The following ABI1 variants were observed in gnomAD, a reference collection of about 807,000 sequenced individuals.
ABI1 encodes Abelson interactor 1.
ABI1 carries 14 observed loss-of-function variants against 54.6 expected under a neutral mutation model. That is an observed-to-expected ratio of 0.26 (90% CI 0.17 to 0.40). ABI1 has a LOEUF of 0.40. Among genes scored for constraint, ABI1 ranks in the 10% least tolerant of loss-of-function variants. The pLI is 1.00. For missense variants in ABI1, 443 were observed against 598.3 expected, an observed-to-expected ratio of 0.74 and a Z score of 2.71; for synonymous variants, 194 against 209.3, an observed-to-expected ratio of 0.93 and a Z score of 0.63.
chr10:26,759,373 A>G (rs1303334382), intron 7 of ABI1, 135 bp from the exon 8 acceptor site: 11 of 615,984 alleles, frequency 1.8e-5, no homozygotes, highest in Non-Finnish European at 2.8e-5. Context: ...CAAAATAAAG[A>G]GAAAAGTAAA....
intron 5 of ABI1, 87 bp from the exon 6 acceptor site, chr10:26,769,079 C>A: frequency 1.0e-6 from 1 of 976,976 alleles, no homozygotes; most frequent in Non-Finnish European, 1.4e-6. Context: ...CCCTTTGTGA[C>A]CATGTATACC....
chr10:26,760,956 T>A (rs1839067988), intron 7 of ABI1, among the ~76,000 whole-genome samples: 1 of 151,638 alleles, frequency 6.6e-6, no homozygotes, highest in Admixed American at 6.6e-5. Context: ...TTTATTTTTT[T>A]ATTTTGGGTA....
chr10:26,816,782 A>C (rs1168690279), intron 2 of ABI1, among the ~76,000 whole-genome samples: 1 of 151,568 alleles, frequency 6.6e-6, no homozygotes, highest in African/African-American at 2.4e-5. Context: ...ATCACAGAAC[A>C]ACCATAATTT....
chr10:26,823,872 C>A (rs1441827747), intron 1 of ABI1, among the ~76,000 whole-genome samples: 1 of 151,612 alleles, frequency 6.6e-6, no homozygotes, highest in Non-Finnish European at 1.5e-5. Context: ...CAAAGAGGAG[C>A]AAGGTTAAAA....
chr10:26,806,873 A>AT (rs2046908442), intron 2 of ABI1, among the ~76,000 whole-genome samples: 1 of 152,216 alleles, frequency 6.6e-6, no homozygotes, highest in East Asian at 1.9e-4. Context: ...GTATCCTAAA[A>AT]TTCCCTTTGA....
intron 1 of ABI1, chr10:26,839,651 T>TAAA (rs1554831131): frequency 4.4e-4 from 234 of 529,730 alleles, no homozygotes; most frequent in South Asian, 6.3e-4. Context: ...TACTTCTGTT[T>TAAA]AAAAAAAAAA....
At chr10:26,856,159 A>T (rs1026323343) in intron 1 of ABI1, among the ~76,000 whole-genome samples, 24 of 149,700 alleles carry the variant, frequency 1.6e-4, no homozygotes, top group Non-Finnish European at 2.2e-4. Flanking sequence ...AGTGGCATGC[A>T]CCTGTATTCC....
intron 5 of ABI1, 89 bp from the exon 6 acceptor site, chr10:26,769,081 A>T (rs1371715543): frequency 1.5e-5 from 15 of 982,374 alleles, no homozygotes; most frequent in Non-Finnish European, 2.1e-5. Context: ...CTTTGTGACC[A>T]TGTATACCAG....
intron 7 of ABI1, among the ~76,000 whole-genome samples, chr10:26,759,698 GA>G (rs934675265): frequency 2.6e-5 from 4 of 151,986 alleles, no homozygotes; most frequent in African/African-American, 9.6e-5. Context: ...TCAGAATTTT[GA>G]TTTGGCTAGA....
intron 1 of ABI1, among the ~76,000 whole-genome samples, chr10:26,848,605 CTTTT>C (rs35694402): frequency 0.036 from 3,848 of 107,386 alleles, 74 homozygotes; most frequent in African/African-American, 0.11. Flanking sequence ...TAAGAAGAGG[CTTTT>C]TTTTTTTTTT....
Position 26,860,901 on chromosome 10 carries a change from A to G in ABI1, c.-38T>C. On this transcript the variant is annotated 5_prime_UTR_variant, in exon 1 of 11. Transcript: ENST00000376140. This position sits in a 1 kb window ranked among gnomAD's most constrained non-coding sequence, Gnocchi z 4.1. ...TGCATCGCTTCCTCTCGCGTTAAAG[A>G]GACAGAGGCAGCAAGGTCCGCCGAG... 1 of 1,587,768 alleles carries G rather than the reference A, an allele frequency of 6.3e-7. No homozygotes were observed. The highest frequency in any genetic ancestry group is 8.6e-7 in the Non-Finnish European group (1 of 1,157,102).
chr10:26,808,340 A>G (rs2047005599), intron 2 of ABI1, among the ~76,000 whole-genome samples: 2 of 152,156 alleles, frequency 1.3e-5, no homozygotes, highest in Admixed American at 6.5e-5. Flanking sequence ...CATTGCCCCT[A>G]TTCTCTATCC....
At chr10:26,824,797 G>A (rs1010265561) in intron 1 of ABI1, among the ~76,000 whole-genome samples, 1 of 152,012 alleles carries the variant, frequency 6.6e-6, no homozygotes, top group Non-Finnish European at 1.5e-5. Flanking sequence ...AGCATATCTT[G>A]TTTCACAGAT....
At position 26,747,521 on chromosome 10, in the gene ABI1, A is replaced by G; in HGVS notation, c.*1049T>C. Reference sequence around the variant, plus strand: ...AACTGTATCCACTTTTACAATATGTAAAAGGTACTTTTAACTTCCTTTCAT... The same window carrying G: ...AACTGTATCCACTTTTACAATATGTGAAAGGTACTTTTAACTTCCTTTCAT... On this transcript the variant is annotated 3_prime_UTR_variant, in exon 11 of 11. Transcript: ENST00000376140. The G allele has an allele frequency of 4.8e-6, 1 of 206,196 alleles. No homozygotes were observed. 12.8% of individuals were successfully genotyped at this position (206,196 alleles called of 1,614,324 possible). A position where few individuals can be genotyped will look rare whatever the true frequency, so the allele number is the denominator to read the frequency against.
At chr10:26,819,863 TA>T (rs2047851412) in intron 2 of ABI1, among the ~76,000 whole-genome samples, 1 of 152,192 alleles carries the variant, frequency 6.6e-6, no homozygotes, top group African/African-American at 2.4e-5. Context: ...AAAATTCTGT[TA>T]TTTGCAACAT....
At chr10:26,803,643 A>C (rs953488348) in intron 2 of ABI1, among the ~76,000 whole-genome samples, 2 of 152,222 alleles carry the variant, frequency 1.3e-5, no homozygotes, top group African/African-American at 4.8e-5. Flanking sequence ...TCTGAACCAA[A>C]TAATTGATAA....
intron 2 of ABI1, among the ~76,000 whole-genome samples, chr10:26,809,739 CTG>C (rs2047109866): frequency 1.3e-5 from 2 of 152,112 alleles, no homozygotes; most frequent in African/African-American, 4.8e-5. Flanking sequence ...AAACCAAAAA[CTG>C]TGAGAAAACA....
chr10:26,807,254 G>A (rs531102708), intron 2 of ABI1, among the ~76,000 whole-genome samples: 12 of 152,112 alleles, frequency 7.9e-5, no homozygotes, highest in Non-Finnish European at 1.5e-4. Context: ...GTGGTGGATC[G>A]CTTGAGCCCG....
chr10:26,788,912 CAA>C (rs56220406), intron 2 of ABI1: 102 of 52,004 alleles, frequency 2.0e-3, no homozygotes, highest in African/African-American at 7.1e-3. Flanking sequence ...GACTCCGTCT[CAA>C]AAAAAAAAAA....
Sources: allele counts gnomAD v4.1 joint callset (sites outside exome capture counted in the v4.1 genomes callset), GRCh38; gene constraint gnomAD v4.1.1; non-coding constraint Gnocchi (gnomAD v3.1); transcripts MANE v1.5; gene names NCBI Gene and HGNC (gene_info 2026-07-23, HGNC 2026-07-21).